Variants in RAD51B observed in about 807,000 individuals in gnomAD.
RAD51B encodes the protein DNA repair protein RAD51 homolog 2.
In RAD51B, 38 loss-of-function variants were observed where a neutral mutation model predicts 42.2. The observed-to-expected ratio is 0.90, with a 90% CI of 0.70 to 1.18. The LOEUF (loss-of-function observed/expected upper bound fraction) is 1.18, where lower values mean the gene tolerates loss of function less well. RAD51B is among the 50% of genes most tolerant of loss of function. RAD51B has a pLI of 0.00. For missense variants in RAD51B, 373 were observed against 400.7 expected, an observed-to-expected ratio of 0.93 and a Z score of 0.59; for synonymous variants, 154 against 145.2, an observed-to-expected ratio of 1.06 and a Z score of -0.43.
At chr14:68,106,680 C>T (rs767244219) in intron 7 of RAD51B, among the ~76,000 whole-genome samples, 3 of 151,760 alleles carry the variant, frequency 2.0e-5, no homozygotes, top group South Asian at 2.1e-4. Flanking sequence ...TTCATTGGAA[C>T]GTTGGGTTAT....
chr14:68,394,758 C>T (rs999819817), intron 8 of RAD51B, among the ~76,000 whole-genome samples: 2 of 152,240 alleles, frequency 1.3e-5, no homozygotes, highest in African/African-American at 4.8e-5. Context: ...GGGCTCCTGT[C>T]CTTTACTTCA....
intron 7 of RAD51B, among the ~76,000 whole-genome samples, chr14:68,279,139 G>T (rs1407004982): frequency 6.6e-6 from 1 of 152,200 alleles, no homozygotes; most frequent in Non-Finnish European, 1.5e-5. Flanking sequence ...TGACTTATTT[G>T]ACTGGATTCA....
intron 11 of RAD51B, among the ~76,000 whole-genome samples, chr14:68,659,634 A>G (rs906827063): frequency 3.3e-5 from 5 of 152,168 alleles, no homozygotes; most frequent in African/African-American, 1.2e-4. Flanking sequence ...GTCGCTTCCC[A>G]GGGTGTCTTT....
intron 11 of RAD51B, among the ~76,000 whole-genome samples, chr14:68,674,860 CA>C (rs34941735): frequency 0.13 from 20,199 of 152,198 alleles, 1,780 homozygotes; most frequent in Non-Finnish European, 0.19. Context: ...GCCACAGACC[CA>C]CTTCTCCCTG....
intron 10 of RAD51B, among the ~76,000 whole-genome samples, chr14:68,643,666 G>A (rs189751634): frequency 9.8e-5 from 15 of 152,294 alleles, no homozygotes; most frequent in Admixed American, 6.5e-4. Flanking sequence ...GGATAGATAT[G>A]TTCAGAACAT....
intron 7 of RAD51B, among the ~76,000 whole-genome samples, chr14:67,892,437 T>G (rs1314902283): frequency 6.6e-6 from 1 of 152,216 alleles, no homozygotes; most frequent in Non-Finnish European, 1.5e-5. Context: ...ATTGTGCCAC[T>G]GTTACAATGA....
At chr14:67,889,872 G>A (rs2043167973) in intron 7 of RAD51B, among the ~76,000 whole-genome samples, 1 of 152,138 alleles carries the variant, frequency 6.6e-6, no homozygotes, top group Non-Finnish European at 1.5e-5. Flanking sequence ...GAATTTTATA[G>A]ACCTTTGAGT....
chr14:68,525,852 C>T (rs865882711), intron 10 of RAD51B, among the ~76,000 whole-genome samples: 9 of 152,156 alleles, frequency 5.9e-5, no homozygotes, highest in South Asian at 2.1e-4. Context: ...TGCCAAGTGC[C>T]GGGAGCCAAC....
intron 7 of RAD51B, among the ~76,000 whole-genome samples, chr14:68,037,010 A>G (rs1263818524): frequency 6.7e-6 from 1 of 148,298 alleles, no homozygotes; most frequent in Non-Finnish European, 1.5e-5. Context: ...TTTTTAACAC[A>G]AGACAGGAAT....
At chr14:68,105,780 A>G (rs183677980) in intron 7 of RAD51B, among the ~76,000 whole-genome samples, 233 of 152,078 alleles carry the variant, frequency 1.5e-3, no homozygotes, top group African/African-American at 5.3e-3. Flanking sequence ...GAAAGCAACC[A>G]CTTTTGTTTG....
chr14:68,430,709 T>G (rs142323198), intron 9 of RAD51B, among the ~76,000 whole-genome samples: 129,320 of 151,992 alleles, frequency 0.85, 55,314 homozygotes, highest in East Asian at 0.97. Flanking sequence ...GGGACAATTT[T>G]ACTTCCTCTT....
chr14:68,491,122 G>A (rs1290187437), intron 10 of RAD51B, among the ~76,000 whole-genome samples: 2 of 152,172 alleles, frequency 1.3e-5, no homozygotes, highest in African/African-American at 4.8e-5. Flanking sequence ...ACCCTGCCCA[G>A]TGGCCAGTGC....
chr14:68,357,885 A>G (rs2082941327), intron 8 of RAD51B, among the ~76,000 whole-genome samples: 1 of 152,212 alleles, frequency 6.6e-6, no homozygotes, highest in African/African-American at 2.4e-5. Context: ...CACTAAGCTT[A>G]ATCATTTCTA....
intron 10 of RAD51B, among the ~76,000 whole-genome samples, chr14:68,510,947 T>C (rs1327841759): frequency 3.3e-5 from 5 of 152,068 alleles, no homozygotes; most frequent in African/African-American, 1.2e-4. Flanking sequence ...ATCATCAAAC[T>C]GGAAGGGACA....
At chr14:68,370,670 GCAAGTGGTCAGATT>G (rs2083235470) in intron 8 of RAD51B, among the ~76,000 whole-genome samples, 1 of 152,106 alleles carries the variant, frequency 6.6e-6, no homozygotes. Flanking sequence ...ATAGGGGATG[GCAAGTGGTCAGATT>G]CAAGATAAAT....
chr14:68,426,018 TTCTTTCTTTC>T (rs1486582798), intron 9 of RAD51B, among the ~76,000 whole-genome samples: 8 of 148,132 alleles, frequency 5.4e-5, no homozygotes, highest in African/African-American at 2.0e-4. Flanking sequence ...CTTTCTTTCT[TTCTTTCTTTC>T]TCTCTTTCTT....
chr14:67,894,941 A>AT (rs770871932), intron 7 of RAD51B, among the ~76,000 whole-genome samples: 1 of 151,984 alleles, frequency 6.6e-6, no homozygotes, highest in South Asian at 2.1e-4. Context: ...TGCCTAGCTA[A>AT]TTTTTTTGAT....
intron 9 of RAD51B, among the ~76,000 whole-genome samples, chr14:68,428,707 TTATATATATATATATATATATA>T (rs532906803): frequency 0.032 from 3,150 of 99,438 alleles, 130 homozygotes; most frequent in African/African-American, 0.036. Context: ...AGGATTTTCT[TTATATATATATATATATATATA>T]TATATATATA....
intron 7 of RAD51B, among the ~76,000 whole-genome samples, chr14:68,014,745 C>T (rs947651565): frequency 6.7e-6 from 1 of 148,702 alleles, no homozygotes; most frequent in Non-Finnish European, 1.5e-5. Context: ...AGATAGAGAC[C>T]TGTACTATTC....
Sources: allele counts gnomAD v4.1 joint callset (sites outside exome capture counted in the v4.1 genomes callset), GRCh38; gene constraint gnomAD v4.1.1; transcripts MANE v1.5; gene names NCBI Gene and HGNC (gene_info 2026-07-23, HGNC 2026-07-21).